TRAPPC8: variants seen among roughly 807,000 people sequenced by gnomAD.
The protein encoded by TRAPPC8 is trafficking protein particle complex subunit 8.
In TRAPPC8, 54 loss-of-function variants were observed where a neutral mutation model predicts 174.3. The observed-to-expected ratio is 0.31, with a 90% CI of 0.25 to 0.39. The LOEUF (loss-of-function observed/expected upper bound fraction) is 0.39. TRAPPC8 is among the 10% of genes least tolerant of loss of function. TRAPPC8 has a pLI of 1.00. For missense variants in TRAPPC8, 1,531 were observed against 1,699.1 expected, an observed-to-expected ratio of 0.90 and a Z score of 1.74; for synonymous variants, 630 against 579.9, an observed-to-expected ratio of 1.09 and a Z score of -1.24.
At chr18:31,870,054 T>TGCACTCCA (rs1199045492) in intron 16 of TRAPPC8, 2 of 155,980 alleles carry the variant, frequency 1.3e-5, no homozygotes, top group African/African-American at 4.9e-5. Context: ...ATGGCGCCAC[T>TGCACTCCA]GCACTCCAGC....
chr18:31,863,051 C>CAAAAAAAAAAAA (rs35944569), intron 19 of TRAPPC8, among the ~76,000 whole-genome samples: 1 of 113,784 alleles, frequency 8.8e-6, no homozygotes, highest in African/African-American at 3.4e-5. Flanking sequence ...GACTAGGTCT[C>CAAAAAAAAAAAA]AAAAAAAAAA....
At position 31,932,997 on chromosome 18, in the gene TRAPPC8, C is replaced by CAAAAAAA. The variant is rs35234467; in HGVS notation, c.158-1481_158-1475dup. ...TGGGCGACAGAGTGAGACTCCGTCT[C>CAAAAAAA]AAAAAAAAAAAAAAAAAAAAAAAGC... On this transcript the variant is annotated intron_variant, in intron 1 of 28. Transcript: ENST00000283351. Among the ~76,000 whole-genome samples, 102 of 42,684 alleles carry CAAAAAAA rather than the reference C, an allele frequency of 2.4e-3. 7 individuals are homozygous for CAAAAAAA. Among genetic ancestry groups the CAAAAAAA allele is most frequent in the African/African-American group, 0.014 (96 of 6,710 alleles). The allele number at this position is 42,684 out of a possible 152,430, so 28.0% of individuals were successfully genotyped here. A position where few individuals can be genotyped will look rare whatever the true frequency, so the allele number is the denominator to read the frequency against.
At chr18:31,856,895 T>C (rs1049070980) in intron 20 of TRAPPC8, among the ~76,000 whole-genome samples, 58 of 150,022 alleles carry the variant, frequency 3.9e-4, no homozygotes, top group African/African-American at 1.4e-3. Context: ...CTCTGTAGTC[T>C]TGACTTCCTG....
intron 5 of TRAPPC8, among the ~76,000 whole-genome samples, chr18:31,912,603 G>C (rs1285247433): frequency 6.6e-6 from 1 of 152,084 alleles, no homozygotes; most frequent in Non-Finnish European, 1.5e-5. Flanking sequence ...GGAGGCTGCA[G>C]TGAGCTGAGA....
intron 19 of TRAPPC8, among the ~76,000 whole-genome samples, chr18:31,859,318 G>A (rs2034203249): frequency 6.6e-6 from 1 of 151,994 alleles, no homozygotes; most frequent in South Asian, 2.1e-4. Context: ...ATGAAATTTG[G>A]GGACATTAGA....
At chr18:31,831,537 T>C (rs1447074673) in intron 28 of TRAPPC8, among the ~76,000 whole-genome samples, 1 of 152,218 alleles carries the variant, frequency 6.6e-6, no homozygotes, top group African/African-American at 2.4e-5. Context: ...AGTTAGTATA[T>C]GTTGGAACTT....
At chr18:31,866,637 TATATC>T (rs1385954974) in intron 18 of TRAPPC8, among the ~76,000 whole-genome samples, 9 of 152,084 alleles carry the variant, frequency 5.9e-5, no homozygotes, top group Admixed American at 1.3e-4. Context: ...CAAAAGAAAA[TATATC>T]AGAAGGGAAT....
Position 31,839,478 on chromosome 18 carries a change from C to A in TRAPPC8, c.3838-21G>T, listed in dbSNP as rs537261414. ...GGCTCCTGAGAAAAGAAAGAAAAAACATATGACAATAAAAACACTACCTTG... is the reference window on the plus strand; with the variant it reads ...GGCTCCTGAGAAAAGAAAGAAAAAAAATATGACAATAAAAACACTACCTTG... On this transcript the variant is annotated intron_variant, in intron 26 of 28. Transcript: ENST00000283351. 33 of 1,532,948 alleles carry A rather than the reference C, an allele frequency of 2.2e-5. No homozygotes were observed. The South Asian group carries it at 2.8e-4, about 13-fold the overall frequency. The allele number at this position is 1,532,948 out of a possible 1,614,324, so 95.0% of individuals were successfully genotyped here.
At position 31,864,734 on chromosome 18, in the gene TRAPPC8, T is replaced by C; in HGVS notation, c.2638A>G (p.Ile880Val). The C allele has an allele frequency of 1.9e-6, 3 of 1,612,510 alleles. No individual in the cohort carries two copies. The highest frequency in any genetic ancestry group is 2.2e-5 in the East Asian group (1 of 44,726). Residue 880 changes from isoleucine to valine, a missense_variant, in exon 19 of 29, where the codon ATT becomes GTT. Ile to Val is a conservative substitution (Grantham distance 29). Transcript: ENST00000283351. ...GTGTTGTTAAGTCGAGGACCTTGAA[T>C]TTCTAAATCCTGCTTCCCTCGGACT... The part of the protein sequence containing the change: ...MSVRGKQDLE[I>V]QGPRLNNTKE...
rs2032230894 is a variant in TRAPPC8 at position 31,829,280 on chromosome 18, C to A, written c.*1475G>T. 1 of 152,156 alleles carries A rather than the reference C, an allele frequency of 6.6e-6. No homozygotes were observed. The highest frequency in any genetic ancestry group is 2.4e-5 in the African/African-American group (1 of 41,420). The allele number at this position is 152,156 out of a possible 1,614,324, so 9.4% of individuals were successfully genotyped here. A position where few individuals can be genotyped will look rare whatever the true frequency, so the allele number is the denominator to read the frequency against. On this transcript the variant is annotated 3_prime_UTR_variant, in exon 29 of 29. Transcript: ENST00000283351. ...AATTTTTTTATTAGTGTCTGTTTAA[C>A]AATCGGTTCAATTTAATATTCAGCT...
At chr18:31,869,484 A>G (rs1051230706) in intron 16 of TRAPPC8, among the ~76,000 whole-genome samples, 3 of 152,216 alleles carry the variant, frequency 2.0e-5, no homozygotes, top group African/African-American at 7.2e-5. Flanking sequence ...GCAGGGCACT[A>G]CAATACTTTT....
At chr18:31,924,406 A>G (rs2037522049) in intron 2 of TRAPPC8, among the ~76,000 whole-genome samples, 1 of 150,236 alleles carries the variant, frequency 6.7e-6, no homozygotes, top group Non-Finnish European at 1.5e-5. Flanking sequence ...GTGAGCCAAG[A>G]TCGCGCTAGT....
rs766099374 is a variant in TRAPPC8 at position 31,866,993 on chromosome 18, TCAG to T, written c.2464-21_2464-19del. On this transcript the variant is annotated intron_variant, in intron 17 of 28. Coordinates refer to ENST00000283351, the MANE Select transcript of TRAPPC8 (RefSeq NM_014939.5). ...AGTCTTGCCTGTGGAGATATTTAAG[TCAG>T]TCTTATTATGTTTTCATAATATCTT... 6.2e-7 allele frequency: 1 copy of T among 1,611,778 alleles called. No homozygotes were observed. The highest frequency in any genetic ancestry group is 8.5e-7 in the Non-Finnish European group (1 of 1,178,884).
chr18:31,852,476 G>A lies in TRAPPC8; in HGVS notation c.3531C>T (p.Thr1177=). 1.9e-6 allele frequency: 3 copies of A among 1,614,134 alleles called. No homozygotes were observed. Among genetic ancestry groups the A allele is most frequent in the Non-Finnish European group, 2.5e-6 (3 of 1,180,020 alleles). The change falls in exon 24 of 29, where the codon ACC becomes ACT. Residue 1177 remains threonine, a synonymous_variant. Transcript: ENST00000283351. The part of the protein sequence containing the change: ...EAATQSSEKY[T]FADIIFGNEQ... ...CATTTCCAAAGATGATATCTGCAAAGGTATATTTTTCAGAGGACTGTGTGG... is the reference window on the plus strand; with the variant it reads ...CATTTCCAAAGATGATATCTGCAAAAGTATATTTTTCAGAGGACTGTGTGG...
chr18:31,940,355 C>T lies in TRAPPC8; in HGVS notation c.157+2253G>A, dbSNP rs565117314. Among the ~76,000 whole-genome samples the T allele has an allele frequency of 7.2e-5, 11 of 151,950 alleles. No homozygotes were observed. The South Asian group carries it at 2.1e-3, about 29-fold the overall frequency. On this transcript the variant is annotated intron_variant, in intron 1 of 28. Coordinates refer to ENST00000283351, the MANE Select transcript of TRAPPC8 (RefSeq NM_014939.5). ...CCGTGAGCGCCTGTAATCCCAGCTA[C>T]TCGGGAGGCTGAGGCTGGAAAATCG... is the stretch of plus-strand genomic sequence containing the variant.
intron 2 of TRAPPC8, among the ~76,000 whole-genome samples, chr18:31,921,055 T>C (rs2037366597): frequency 6.6e-6 from 1 of 151,416 alleles, no homozygotes; most frequent in Non-Finnish European, 1.5e-5. Flanking sequence ...ATTAAAAAGA[T>C]ACATTAGCAG....
At position 31,915,756 on chromosome 18, in the gene TRAPPC8, G is replaced by A. The variant is rs541168267; in HGVS notation, c.617+516C>T. ...CAAAAAATTAGCCAGGTGCAGTGGC[G>A]GGCGCCTGTAGTCCCAGCTACTCAG... On this transcript the variant is annotated intron_variant, in intron 4 of 28. Coordinates refer to ENST00000283351, the MANE Select transcript of TRAPPC8 (RefSeq NM_014939.5). 1.7e-3 allele frequency among the ~76,000 whole-genome samples: 257 copies of A among 151,798 alleles called. 1 individual carries two copies. Among genetic ancestry groups the A allele is most frequent in the African/African-American group, 5.0e-3 (207 of 41,432 alleles).
chr18:31,894,345 T>G (rs985738679), intron 11 of TRAPPC8, among the ~76,000 whole-genome samples: 1 of 152,146 alleles, frequency 6.6e-6, no homozygotes, highest in African/African-American at 2.4e-5. Flanking sequence ...AATAAAAGGA[T>G]TTTTACAAAG....
chr18:31,884,505 C>G (rs1303580280), intron 12 of TRAPPC8, among the ~76,000 whole-genome samples: 2 of 152,148 alleles, frequency 1.3e-5, no homozygotes, highest in Non-Finnish European at 2.9e-5. Flanking sequence ...TATTGCTGCA[C>G]CCTATCACAA....
Sources: allele counts gnomAD v4.1 joint callset (sites outside exome capture counted in the v4.1 genomes callset), GRCh38; gene constraint gnomAD v4.1.1; transcripts MANE v1.5; gene names NCBI Gene and HGNC (gene_info 2026-07-23, HGNC 2026-07-21).